The following PAM variants were observed in gnomAD, a reference collection of about 807,000 sequenced individuals.
PAM encodes the protein peptidyl-glycine alpha-amidating monooxygenase.
PAM carries 72 observed loss-of-function variants against 122.1 expected under a neutral mutation model. That is an observed-to-expected ratio of 0.59 (90% CI 0.49 to 0.72). PAM has a LOEUF of 0.72. Ranked by LOEUF, PAM falls within the 30% of genes least tolerant of loss-of-function variation. PAM has a pLI of 0.00. For synonymous variants in PAM, 389 were observed against 404.4 expected (o/e 0.96, Z 0.46); for missense variants, 1,106 against 1,183.7 (o/e 0.93, Z 0.96).
intron 21 of PAM, among the ~76,000 whole-genome samples, chr5:103,016,919 CT>C (rs1482520288): frequency 6.6e-6 from 1 of 152,034 alleles, no homozygotes; most frequent in African/African-American, 2.4e-5. Flanking sequence ...AATACCTAGA[CT>C]TTTTTACTTG....
chr5:102,994,223 T>A (rs2150864807), intron 16 of PAM, among the ~76,000 whole-genome samples: 1 of 152,268 alleles, frequency 6.6e-6, no homozygotes, highest in South Asian at 2.1e-4. Context: ...TCCCTAGATA[T>A]GAGACATGCT....
intron 7 of PAM, among the ~76,000 whole-genome samples, chr5:102,927,361 T>A (rs1476872537): frequency 6.6e-6 from 1 of 152,186 alleles, no homozygotes; most frequent in Admixed American, 6.5e-5. Context: ...TCCAACTGCA[T>A]TCGGGTTCAC....
rs1580364013 is a variant in PAM at position 102,806,597 on chromosome 5, A to T, written c.-374+51249A>T. On this transcript the variant is annotated intron_variant, in intron 1 of 25. Transcript: ENST00000438793. ...GATATATACATATATATACACACATACACACACACAGAGTTTTGTACTGTT... is the reference window on the plus strand; with the variant it reads ...GATATATACATATATATACACACATTCACACACACAGAGTTTTGTACTGTT... 2.6e-5 allele frequency among the ~76,000 whole-genome samples: 4 copies of T among 152,234 alleles called. No individual in the cohort carries two copies. The South Asian group carries it at 8.3e-4, about 32-fold the overall frequency.
At position 102,807,348 on chromosome 5, in the gene PAM, G is replaced by A. The variant is rs142428389; in HGVS notation, c.-374+52000G>A. Among the ~76,000 whole-genome samples the A allele has an allele frequency of 9.8e-3, 1,487 of 152,330 alleles. 11 individuals are homozygous for A. The highest frequency in any genetic ancestry group is 0.016 in the Non-Finnish European group (1,082 of 68,036). The stretch of plus-strand genomic sequence containing the variant: ...AAACTGGATATTTTAAAGAGAGGCT[G>A]TATTCCTCTGAATGTGGGTCACAGA... On this transcript the variant is annotated intron_variant, in intron 1 of 25. Coordinates refer to ENST00000438793, the MANE Select transcript of PAM (RefSeq NM_001177306.2).
chr5:102,949,599 G>C lies in PAM; in HGVS notation c.706G>C (p.Val236Leu). The C allele has an allele frequency of 6.8e-7, 1 of 1,474,388 alleles. No homozygotes were observed. The highest frequency in any genetic ancestry group is 9.5e-7 in the Non-Finnish European group (1 of 1,053,148). 91.3% of individuals were successfully genotyped at this position (1,474,388 alleles called of 1,614,324 possible). A position where few individuals can be genotyped will look rare whatever the true frequency, so the allele number is the denominator to read the frequency against. ...NYPMHVFAYRVHTHHLGKVVS... is the reference protein window; with the variant it reads ...NYPMHVFAYRLHTHHLGKVVS... Reference sequence around the variant, plus strand: ...TCCAATGCATGTCTTTGCCTATAGAGTTCACACTCACCATTTAGGTAAGAA... The same window carrying C: ...TCCAATGCATGTCTTTGCCTATAGACTTCACACTCACCATTTAGGTAAGAA... Residue 236 changes from valine (V) to leucine (L), a missense_variant, in exon 10 of 26, where the codon GTT becomes CTT. Val to Leu is a conservative substitution (Grantham distance 32, BLOSUM62 1). Transcript: ENST00000438793.
At chr5:102,931,807 A>ATTCTCTCT (rs1554124822) in intron 7 of PAM, among the ~76,000 whole-genome samples, 1 of 141,350 alleles carries the variant, frequency 7.1e-6, no homozygotes, top group Non-Finnish European at 1.6e-5. Flanking sequence ...CAAACAACAC[A>ATTCTCTCT]CTCTCTCTCT....
Position 102,804,194 on chromosome 5 carries a change from C to T in PAM, c.-374+48846C>T, listed in dbSNP as rs1188883892. On this transcript the variant is annotated intron_variant, in intron 1 of 25. Transcript: ENST00000438793. Reference sequence around the variant, plus strand: ...GGTCTCTCTGGTAAAGATGGGCTTACGCTGAAACGGTGAAATGTGCACTTG... The same window carrying T: ...GGTCTCTCTGGTAAAGATGGGCTTATGCTGAAACGGTGAAATGTGCACTTG... Among the ~76,000 whole-genome samples, 8 of 152,132 alleles carry T rather than the reference C, an allele frequency of 5.3e-5. No individual in the cohort carries two copies. The South Asian group carries it at 8.3e-4, about 16-fold the overall frequency.
intron 1 of PAM, among the ~76,000 whole-genome samples, chr5:102,861,767 ACT>A (rs1784257816): frequency 6.6e-6 from 1 of 152,176 alleles, no homozygotes; most frequent in South Asian, 2.1e-4. Context: ...CAGGTCAGTA[ACT>A]CTAAAATGAT....
chr5:102,777,979 C>T (rs1033878708), intron 1 of PAM, among the ~76,000 whole-genome samples: 4 of 152,106 alleles, frequency 2.6e-5, no homozygotes, highest in Non-Finnish European at 2.9e-5. Flanking sequence ...GAGAGACCTG[C>T]GATCATTCCT....
chr5:102,853,023 A>G (rs930260854), intron 1 of PAM, among the ~76,000 whole-genome samples: 2 of 152,214 alleles, frequency 1.3e-5, no homozygotes, highest in Non-Finnish European at 2.9e-5. Flanking sequence ...CATTTGTTCC[A>G]GAAACATCCA....
chr5:103,008,057 T>A (rs1455011677), intron 20 of PAM, among the ~76,000 whole-genome samples: 2 of 152,100 alleles, frequency 1.3e-5, no homozygotes, highest in Admixed American at 6.6e-5. Context: ...CCAATTTTTT[T>A]AAAGATAAAA....
At chr5:102,774,569 G>T (rs930272550) in intron 1 of PAM, among the ~76,000 whole-genome samples, 1 of 152,080 alleles carries the variant, frequency 6.6e-6, no homozygotes, top group African/African-American at 2.4e-5. Flanking sequence ...ATGATACAGG[G>T]TAAGAAGTCT....
intron 3 of PAM, among the ~76,000 whole-genome samples, chr5:102,898,055 G>A (rs1224128637): frequency 6.6e-6 from 1 of 151,582 alleles, no homozygotes; most frequent in Non-Finnish European, 1.5e-5. Flanking sequence ...TATTATAGGA[G>A]TGTTATAGTA....
intron 21 of PAM, among the ~76,000 whole-genome samples, chr5:103,010,290 G>T (rs1780233240): frequency 6.6e-6 from 1 of 152,126 alleles, no homozygotes; most frequent in Non-Finnish European, 1.5e-5. Context: ...TTTCTTTATT[G>T]CTATGACTGT....
At chr5:103,000,101 A>G (rs1054469341) in intron 16 of PAM, among the ~76,000 whole-genome samples, 3 of 152,180 alleles carry the variant, frequency 2.0e-5, no homozygotes, top group African/African-American at 7.2e-5. Context: ...AATTCAAACC[A>G]TATCTTTGTG....
chr5:102,999,458 G>A (rs1776700325), intron 16 of PAM, among the ~76,000 whole-genome samples: 1 of 152,216 alleles, frequency 6.6e-6, no homozygotes, highest in African/African-American at 2.4e-5. Flanking sequence ...AACATTCCAA[G>A]GTCTGGAGAA....
chr5:102,799,549 G>A lies in PAM; in HGVS notation c.-374+44201G>A, dbSNP rs79045655. ...TTCTATTTCAGCCACATATTTCTTAGCTATAGCGTAGGTATAGTAATGATA... is the reference window on the plus strand; with the variant it reads ...TTCTATTTCAGCCACATATTTCTTAACTATAGCGTAGGTATAGTAATGATA... On this transcript the variant is annotated intron_variant, in intron 1 of 25. Transcript: ENST00000438793. 3.6e-3 allele frequency among the ~76,000 whole-genome samples: 549 copies of A among 152,256 alleles called. 1 individual carries two copies. The highest frequency in any genetic ancestry group is 6.2e-3 in the Non-Finnish European group (424 of 68,026).
At chr5:102,770,450 G>T (rs1029498638) in intron 1 of PAM, among the ~76,000 whole-genome samples, 1 of 151,960 alleles carries the variant, frequency 6.6e-6, no homozygotes, top group Non-Finnish European at 1.5e-5. Context: ...AAAGATCTTA[G>T]AGGAAAGGCT....
chr5:102,758,226 TAGGA>T (rs1751214411), intron 1 of PAM, among the ~76,000 whole-genome samples: 1 of 151,872 alleles, frequency 6.6e-6, no homozygotes, highest in Admixed American at 6.6e-5. Flanking sequence ...TTCCTCCTCC[TAGGA>T]AGAATTTATC....
Sources: gnomAD v4.1 joint callset for allele counts (sites outside exome capture counted in the v4.1 genomes callset) on GRCh38, gnomAD v4.1.1 for gene constraint, MANE v1.5 for transcripts, NCBI Gene and HGNC (gene_info 2026-07-23, HGNC 2026-07-21) for gene names.